Variants in MYT1L observed in about 807,000 individuals in gnomAD.
MYT1L encodes the protein myelin transcription factor 1-like protein.
Under a neutral mutation model 126.7 loss-of-function variants are expected in MYT1L, and 12 were observed. The observed-to-expected ratio is 0.09, with a 90% CI of 0.06 to 0.15. The LOEUF is 0.15. Ranked by LOEUF, MYT1L falls within the 10% of genes least tolerant of loss-of-function variation. The pLI is 1.00. For missense variants in MYT1L, 979 were observed against 1,585.2 expected (o/e 0.62, Z 6.49); for synonymous variants, 541 against 604.2 (o/e 0.90, Z 1.53).
At chr2:1,928,038 C>T (rs1471288215) in intron 9 of MYT1L, among the ~76,000 whole-genome samples, 1 of 152,144 alleles carries the variant, frequency 6.6e-6, no homozygotes, top group Non-Finnish European at 1.5e-5. Flanking sequence ...ACTGCAGCCT[C>T]ATTCCCCCTG....
At chr2:1,899,804 C>G (rs1414708308) in intron 14 of MYT1L, among the ~76,000 whole-genome samples, 2 of 152,166 alleles carry the variant, frequency 1.3e-5, no homozygotes, top group African/African-American at 4.8e-5. Context: ...TCTTGTGTAT[C>G]CTGAGGGAAG....
At chr2:2,065,848 GCACA>G (rs10678486) in intron 3 of MYT1L, among the ~76,000 whole-genome samples, 40 of 135,352 alleles carry the variant, frequency 3.0e-4, no homozygotes, top group East Asian at 6.6e-4. Context: ...ACACACACAC[GCACA>G]CACACACACA....
rs370028032 is a variant in MYT1L at position 2,211,571 on chromosome 2, G to A, written c.-420-38583C>T. Reference sequence around the variant, plus strand: ...GCCTGTAATCCCTGCACTTTAGGAGGCCGAGGCGGGCAGATCATGAGGTCA... The same window carrying A: ...GCCTGTAATCCCTGCACTTTAGGAGACCGAGGCGGGCAGATCATGAGGTCA... On this transcript the variant is annotated intron_variant, in intron 2 of 24. Transcript: ENST00000647738. Among the ~76,000 whole-genome samples, 9 of 152,154 alleles carry A rather than the reference G, an allele frequency of 5.9e-5. No homozygotes were observed. The East Asian group carries it at 1.4e-3, about 23-fold the overall frequency.
intron 18 of MYT1L, among the ~76,000 whole-genome samples, chr2:1,862,329 C>T (rs928482030): frequency 6.6e-6 from 1 of 152,054 alleles, no homozygotes; most frequent in Non-Finnish European, 1.5e-5. Context: ...GAGTTAAGTA[C>T]CTTTAAGGTC....
intron 3 of MYT1L, among the ~76,000 whole-genome samples, chr2:2,154,007 T>C (rs1442026420): frequency 6.6e-6 from 1 of 152,166 alleles, no homozygotes; most frequent in Non-Finnish European, 1.5e-5. Context: ...AGAGGGCCTC[T>C]GGACCGGATG....
chr2:2,164,196 GTTTGTTT>G (rs1250534330), intron 3 of MYT1L, among the ~76,000 whole-genome samples: 1 of 152,038 alleles, frequency 6.6e-6, no homozygotes, highest in Non-Finnish European at 1.5e-5. Flanking sequence ...GTGAATAGGC[GTTTGTTT>G]TTTGTTTTTC....
At chr2:1,797,900 CTTCTCCGG>C (rs2033961999) in intron 23 of MYT1L, among the ~76,000 whole-genome samples, 2 of 81,636 alleles carry the variant, frequency 2.4e-5, no homozygotes, top group African/African-American at 5.0e-5. Flanking sequence ...CGGTCTCCCC[CTTCTCCGG>C]CACAGGCGCG....
At chr2:2,162,919 C>A (rs575240580) in intron 3 of MYT1L, among the ~76,000 whole-genome samples, 1 of 152,296 alleles carries the variant, frequency 6.6e-6, no homozygotes, top group Admixed American at 6.5e-5. Context: ...CACCCTGTGA[C>A]CTCTTGATCT....
At chr2:2,281,055 T>A (rs546266191) in intron 2 of MYT1L, among the ~76,000 whole-genome samples, 2 of 152,322 alleles carry the variant, frequency 1.3e-5, no homozygotes, top group East Asian at 3.9e-4. Flanking sequence ...GTAGTTCCCA[T>A]AATCCCCACA....
At chr2:1,991,229 G>A (rs1454077008) in intron 5 of MYT1L, among the ~76,000 whole-genome samples, 4 of 152,140 alleles carry the variant, frequency 2.6e-5, no homozygotes, top group Non-Finnish European at 4.4e-5. Context: ...GGGTGGATCC[G>A]GGGCTCCTGT....
chr2:2,124,768 T>C (rs1359580946), intron 3 of MYT1L, among the ~76,000 whole-genome samples: 2 of 152,102 alleles, frequency 1.3e-5, no homozygotes, highest in African/African-American at 2.4e-5. Context: ...CAAGGGGTGG[T>C]CCCGACACAA....
At chr2:2,295,627 C>CAGACAGACAGAGAGAGAG (rs2095667803) in intron 1 of MYT1L, among the ~76,000 whole-genome samples, 1 of 12,510 alleles carries the variant, frequency 8.0e-5, no homozygotes, top group East Asian at 1.3e-3. Context: ...GAGAGAGAGA[C>CAGACAGACAGAGAGAGAG]AGACAGACAG....
At chr2:2,139,549 G>T (rs1048757922) in intron 3 of MYT1L, among the ~76,000 whole-genome samples, 2 of 152,074 alleles carry the variant, frequency 1.3e-5, no homozygotes, top group Non-Finnish European at 2.9e-5. Flanking sequence ...TGAGGCAGGA[G>T]AATCACTTGA....
chr2:1,789,768 A>G lies in MYT1L; in HGVS notation c.*2099T>C, dbSNP rs2031714754. The stretch of plus-strand genomic sequence containing the variant: ...CAGGTGACTGCAAGCACCTTGCTTC[A>G]GCTCTCAAAACGCATTCTGAGCATG... On this transcript the variant is annotated 3_prime_UTR_variant, in exon 25 of 25. Transcript: ENST00000647738. 1 of 152,208 alleles carries G rather than the reference A, an allele frequency of 6.6e-6. No individual in the cohort carries two copies. The highest frequency in any genetic ancestry group is 2.4e-5 in the African/African-American group (1 of 41,450). 9.4% of individuals were successfully genotyped at this position (152,208 alleles called of 1,614,324 possible).
At chr2:1,914,431 T>A (rs907201413) in intron 11 of MYT1L, among the ~76,000 whole-genome samples, 1 of 152,072 alleles carries the variant, frequency 6.6e-6, no homozygotes, top group Non-Finnish European at 1.5e-5. Flanking sequence ...ATGGCCAAAC[T>A]TCCCATGTAT....
intron 18 of MYT1L, among the ~76,000 whole-genome samples, chr2:1,856,094 AAAAC>A (rs1558770339): frequency 5.9e-5 from 9 of 152,334 alleles, no homozygotes; most frequent in South Asian, 2.1e-4. Flanking sequence ...AAAACAAAAC[AAAAC>A]CACCCAAGCA....
chr2:2,191,451 G>A (rs1006078756), intron 2 of MYT1L, among the ~76,000 whole-genome samples: 4 of 152,164 alleles, frequency 2.6e-5, no homozygotes, highest in Non-Finnish European at 4.4e-5. Context: ...AATCTGACTC[G>A]GAGTAAACAC....
intron 9 of MYT1L, among the ~76,000 whole-genome samples, chr2:1,938,410 T>A (rs1235240088): frequency 6.6e-6 from 1 of 152,212 alleles, no homozygotes; most frequent in Non-Finnish European, 1.5e-5. Flanking sequence ...AACAAGGGGA[T>A]TTTTAATTGG....
chr2:2,184,754 T>A (rs1238244848), intron 2 of MYT1L, among the ~76,000 whole-genome samples: 1 of 152,068 alleles, frequency 6.6e-6, no homozygotes, highest in African/African-American at 2.4e-5. Context: ...TCTGTTCTCT[T>A]CCTGTGATGA....
Sources: gnomAD v4.1 joint callset for allele counts (sites outside exome capture counted in the v4.1 genomes callset) on GRCh38, gnomAD v4.1.1 for gene constraint, MANE v1.5 for transcripts, NCBI Gene and HGNC (gene_info 2026-07-23, HGNC 2026-07-21) for gene names.